Variants in ELOVL2 observed in about 807,000 individuals in gnomAD.
ELOVL2 encodes the protein very long chain fatty acid elongase 2.
A neutral mutation model predicts 37.7 loss-of-function variants in ELOVL2; 38 were observed. The observed-to-expected ratio is 1.01, with a 90% CI of 0.78 to 1.32. The LOEUF is 1.32. Ranked by LOEUF, ELOVL2 falls within the 40% of genes most tolerant of loss-of-function variation. ELOVL2 has a pLI of 0.00. For missense variants in ELOVL2, 352 were observed against 363.6 expected, an observed-to-expected ratio of 0.97 and a Z score of 0.26; for synonymous variants, 115 against 122.3, an observed-to-expected ratio of 0.94 and a Z score of 0.40.
At position 11,020,728 on chromosome 6, in the gene ELOVL2, T is replaced by C. The variant is rs546799583; in HGVS notation, c.4-9919A>G. On this transcript the variant is annotated intron_variant, in intron 1 of 7. Transcript: ENST00000354666. ...TAGTCTGTCCTAAGTGCTGGTCAGA[T>C]TGCCATGTGTTAACAGTAAAACAGC... Among the ~76,000 whole-genome samples, 4 of 152,322 alleles carry C rather than the reference T, an allele frequency of 2.6e-5. No homozygotes were observed. In the East Asian group the frequency reaches 5.8e-4, roughly 22 times the overall value.
chr6:10,997,524 AAC>A (rs1782291383), intron 4 of ELOVL2, among the ~76,000 whole-genome samples: 1 of 152,230 alleles, frequency 6.6e-6, no homozygotes, highest in Non-Finnish European at 1.5e-5. Context: ...TCTAACCAAT[AAC>A]AGTTCTCTTT....
intron 5 of ELOVL2, among the ~76,000 whole-genome samples, chr6:10,991,402 T>C (rs1782155987): frequency 6.6e-6 from 1 of 151,260 alleles, no homozygotes; most frequent in Non-Finnish European, 1.5e-5. Context: ...GGGCCATTTA[T>C]TGGCTATGTC....
intron 4 of ELOVL2, among the ~76,000 whole-genome samples, chr6:10,998,431 T>C (rs917401010): frequency 1.3e-5 from 2 of 152,256 alleles, no homozygotes; most frequent in Non-Finnish European, 2.9e-5. Context: ...TGTTTAATTC[T>C]TTCCCTCTAA....
chr6:10,983,800 ATCAC>A lies in ELOVL2; in HGVS notation c.868_871del (p.Val290Ter). The A allele has an allele frequency of 6.2e-7, 1 of 1,609,666 alleles. No homozygotes were observed. Among genetic ancestry groups the A allele is most frequent in the African/African-American group, 1.3e-5 (1 of 74,678 alleles). On this transcript the variant is annotated frameshift_variant, in exon 8 of 8. Transcript: ENST00000354666. LOFTEE classifies it high-confidence loss of function. Reference sequence around the variant, plus strand: ...TCATTTTTATTGTGCTTTCTTGTTCATCACTCCATTTGCTGCAGTGAAGTAGGCT... The same window carrying A: ...TCATTTTTATTGTGCTTTCTTGTTCATCCATTTGCTGCAGTGAAGTAGGCT...
intron 5 of ELOVL2, among the ~76,000 whole-genome samples, chr6:10,990,705 A>C (rs1782144958): frequency 6.7e-6 from 1 of 150,072 alleles, no homozygotes; most frequent in South Asian, 2.1e-4. Flanking sequence ...CTTATCTACG[A>C]GGTTTTACTG....
chr6:11,014,143 C>T (rs1163105967), intron 1 of ELOVL2, among the ~76,000 whole-genome samples: 1 of 152,192 alleles, frequency 6.6e-6, no homozygotes, highest in African/African-American at 2.4e-5. Context: ...TTACTTACCA[C>T]AGTTGGTAGG....
chr6:11,015,872 C>G (rs1480677033), intron 1 of ELOVL2: 1 of 152,162 alleles, frequency 6.6e-6, no homozygotes, highest in Non-Finnish European at 1.5e-5. Context: ...AGGGCATTTC[C>G]CAGTTGGCTC....
chr6:10,996,451 C>T (rs9468208), intron 4 of ELOVL2, among the ~76,000 whole-genome samples: 4,036 of 151,884 alleles, frequency 0.027, 173 homozygotes, highest in African/African-American at 0.09. Flanking sequence ...GGGTGGATCA[C>T]GAGGTCAGGA....
chr6:10,997,010 CA>C (rs1481177956), intron 4 of ELOVL2, among the ~76,000 whole-genome samples: 1 of 151,308 alleles, frequency 6.6e-6, no homozygotes, highest in Non-Finnish European at 1.5e-5. Context: ...AACTCTGTCT[CA>C]AAAAAAAGGT....
intron 1 of ELOVL2, among the ~76,000 whole-genome samples, chr6:11,018,668 G>C (rs1261399891): frequency 6.6e-6 from 1 of 152,128 alleles, no homozygotes; most frequent in Non-Finnish European, 1.5e-5. Context: ...TGGGCTAAAG[G>C]TCACATTTTG....
intron 1 of ELOVL2, among the ~76,000 whole-genome samples, chr6:11,030,379 A>T (rs1175592624): frequency 1.3e-5 from 2 of 152,200 alleles, no homozygotes; most frequent in East Asian, 3.8e-4. Flanking sequence ...CCAGATCCTT[A>T]TTTTTAACTT....
chr6:11,043,881 A>C, intron 1 of ELOVL2: 6 of 215,468 alleles, frequency 2.8e-5, no homozygotes, highest in Non-Finnish European at 3.6e-5. Context: ...GCCGCCGCGA[A>C]GGAGGGGCGG....
chr6:11,021,204 A>G (rs974586123), intron 1 of ELOVL2, among the ~76,000 whole-genome samples: 11 of 152,086 alleles, frequency 7.2e-5, no homozygotes, highest in African/African-American at 2.7e-4. Context: ...CCTCCAACAC[A>G]TCCTGTTCTC....
intron 1 of ELOVL2, among the ~76,000 whole-genome samples, chr6:11,023,815 A>G (rs1452103700): frequency 2.0e-5 from 3 of 152,314 alleles, no homozygotes; most frequent in East Asian, 1.9e-4. Flanking sequence ...ATAATGTCAA[A>G]TCAAATTGAG....
chr6:10,988,520 C>T (rs547522527), intron 7 of ELOVL2, among the ~76,000 whole-genome samples: 5 of 152,256 alleles, frequency 3.3e-5, no homozygotes, highest in East Asian at 3.9e-4. Flanking sequence ...GCCGAGACTG[C>T]GCCATTGCAC....
chr6:10,992,118 A>C (rs886728454), intron 5 of ELOVL2, among the ~76,000 whole-genome samples: 1 of 152,232 alleles, frequency 6.6e-6, no homozygotes, highest in African/African-American at 2.4e-5. Flanking sequence ...CTTAATAACT[A>C]AACTCAAGAA....
intron 1 of ELOVL2, among the ~76,000 whole-genome samples, chr6:11,020,949 G>A (rs1273293919): frequency 1.3e-5 from 2 of 152,198 alleles, no homozygotes; most frequent in African/African-American, 4.8e-5. Flanking sequence ...TGCTATAGTA[G>A]TTTGGATGTA....
In ELOVL2 at chr6:10,982,197, C is replaced by T. The variant is rs1781947793; in HGVS notation, c.*1584G>A. On this transcript the variant is annotated 3_prime_UTR_variant, in exon 8 of 8. Coordinates refer to ENST00000354666, the MANE Select transcript of ELOVL2 (RefSeq NM_017770.4). Reference sequence around the variant, plus strand: ...ACTATCCTAAGCATTAGGCACCTTCCAAAAAATATGCCCAAATCCTCAGAG... The same window carrying T: ...ACTATCCTAAGCATTAGGCACCTTCTAAAAAATATGCCCAAATCCTCAGAG... The T allele has an allele frequency of 1.3e-5, 2 of 152,014 alleles. No homozygotes were observed. Among genetic ancestry groups the T allele is most frequent in the African/African-American group, 2.4e-5 (1 of 41,378 alleles). The allele number at this position is 152,014 out of a possible 1,614,324, so 9.4% of individuals were successfully genotyped here. A position where few individuals can be genotyped will look rare whatever the true frequency, so the allele number is the denominator to read the frequency against.
rs1243430069 is a variant in ELOVL2 at position 11,036,514 on chromosome 6, G to GCCCA, written c.3+7710_3+7713dup. Among the ~76,000 whole-genome samples the GCCCA allele has an allele frequency of 2.6e-5, 4 of 152,168 alleles. No homozygotes were observed. In the East Asian group the frequency reaches 7.7e-4, roughly 29 times the overall value. Reference sequence around the variant, plus strand: ...GCTCTGGAGATTGAGATGTGAAATAGCCCACATGTACCATTTCGACTGCGT... The same window carrying GCCCA: ...GCTCTGGAGATTGAGATGTGAAATAGCCCACCCACATGTACCATTTCGACTGCGT... On this transcript the variant is annotated intron_variant, in intron 1 of 7. Coordinates refer to ENST00000354666, the MANE Select transcript of ELOVL2 (RefSeq NM_017770.4).
Sources: gnomAD v4.1 joint callset for allele counts (sites outside exome capture counted in the v4.1 genomes callset) on GRCh38, gnomAD v4.1.1 for gene constraint, MANE v1.5 for transcripts, NCBI Gene and HGNC (gene_info 2026-07-23, HGNC 2026-07-21) for gene names.